Variants in FANCC observed in about 807,000 individuals in gnomAD.
FANCC encodes Fanconi anemia group C protein.
A neutral mutation model predicts 71.3 loss-of-function variants in FANCC; 55 were observed. That is an observed-to-expected ratio of 0.77 (90% confidence interval 0.62 to 0.97). FANCC has a LOEUF of 0.97. FANCC is among the 50% of genes least tolerant of loss of function. The pLI, the probability that FANCC is intolerant of heterozygous loss-of-function variation, is 0.00. For missense variants in FANCC, 678 were observed against 670.9 expected, an observed-to-expected ratio of 1.01 and a Z score of -0.12; for synonymous variants, 275 against 244.9, an observed-to-expected ratio of 1.12 and a Z score of -1.15.
chr9:95,152,149 T>C (rs1830212374), intron 6 of FANCC, among the ~76,000 whole-genome samples: 1 of 152,224 alleles, frequency 6.6e-6, no homozygotes, highest in African/African-American at 2.4e-5. Flanking sequence ...TTCAGAGAAT[T>C]TGTTTATATA....
At chr9:95,170,679 T>TGTGTGTGTGTGTGTGTGTG (rs1554842441) in intron 6 of FANCC, among the ~76,000 whole-genome samples, 80 of 144,698 alleles carry the variant, frequency 5.5e-4, no homozygotes, top group Non-Finnish European at 7.8e-4. Context: ...TGTGTGTGTG[T>TGTGTGTGTGTGTGTGTGTG]TGGGAGCAGA....
At chr9:95,280,958 A>T (rs1290990171) in intron 1 of FANCC, among the ~76,000 whole-genome samples, 1 of 152,178 alleles carries the variant, frequency 6.6e-6, no homozygotes, top group Non-Finnish European at 1.5e-5. Flanking sequence ...GTTCAATTAG[A>T]GGAGTATCAG....
intron 1 of FANCC, among the ~76,000 whole-genome samples, chr9:95,252,864 C>T (rs1831436912): frequency 6.7e-6 from 1 of 150,074 alleles, no homozygotes; most frequent in Non-Finnish European, 1.5e-5. Context: ...GCCTGGGCAA[C>T]ATACCAAGAC....
intron 4 of FANCC, among the ~76,000 whole-genome samples, chr9:95,195,213 A>C (rs1293865270): frequency 2.7e-5 from 4 of 148,488 alleles, no homozygotes; most frequent in African/African-American, 9.8e-5. Context: ...AAAAAAAAAA[A>C]AAAAAAAACC....
chr9:95,114,759 C>T (rs745784899), intron 11 of FANCC, 49 bp from the exon 12 acceptor site: 2 of 1,542,062 alleles, frequency 1.3e-6, no homozygotes, highest in Non-Finnish European at 1.8e-6. Flanking sequence ...AAATGTCAAG[C>T]CCATGAGGAA....
At chr9:95,170,839 G>A (rs1045589476) in intron 6 of FANCC, among the ~76,000 whole-genome samples, 14 of 152,000 alleles carry the variant, frequency 9.2e-5, no homozygotes, top group African/African-American at 3.4e-4. Context: ...TCTACCTAAT[G>A]GGCCCACAAA....
chr9:95,111,365 G>T (rs1429306334), intron 13 of FANCC, 98 bp downstream of exon 13: 2 of 1,597,828 alleles, frequency 1.3e-6, no homozygotes, highest in Non-Finnish European at 1.7e-6. Flanking sequence ...GAGCTCAGGT[G>T]TCATGGAAGC....
chr9:95,269,954 T>G (rs1247289421), intron 1 of FANCC, among the ~76,000 whole-genome samples: 1 of 152,202 alleles, frequency 6.6e-6, no homozygotes, highest in Admixed American at 6.5e-5. Flanking sequence ...ATTGATCATC[T>G]GCCTTCAAGC....
intron 4 of FANCC, among the ~76,000 whole-genome samples, chr9:95,220,438 A>G (rs1284515370): frequency 6.6e-6 from 1 of 152,246 alleles, no homozygotes; most frequent in Non-Finnish European, 1.5e-5. Context: ...CCGCAGCACT[A>G]TTCACAATAG....
chr9:95,189,433 A>C (rs1241995127), intron 4 of FANCC, among the ~76,000 whole-genome samples: 1 of 152,156 alleles, frequency 6.6e-6, no homozygotes, highest in African/African-American at 2.4e-5. Flanking sequence ...GACAGAACAC[A>C]ATTCACAGAA....
At chr9:95,106,635 A>G (rs1277346788) in intron 14 of FANCC, among the ~76,000 whole-genome samples, 1 of 152,208 alleles carries the variant, frequency 6.6e-6, no homozygotes, top group Non-Finnish European at 1.5e-5. Flanking sequence ...GTAATAAACC[A>G]ATTTTTTTAA....
intron 6 of FANCC, among the ~76,000 whole-genome samples, chr9:95,156,599 A>G (rs992426374): frequency 2.0e-5 from 3 of 152,124 alleles, no homozygotes; most frequent in African/African-American, 7.2e-5. Context: ...ATGCTTTTTG[A>G]GCCCTTTTAG....
At chr9:95,264,083 G>A (rs1180296656) in intron 1 of FANCC, among the ~76,000 whole-genome samples, 1 of 152,194 alleles carries the variant, frequency 6.6e-6, no homozygotes, top group Non-Finnish European at 1.5e-5. Context: ...TCACAGCCCC[G>A]TGTCCTCACA....
At chr9:95,284,157 A>T (rs1480267317) in intron 1 of FANCC, among the ~76,000 whole-genome samples, 1 of 152,218 alleles carries the variant, frequency 6.6e-6, no homozygotes, top group African/African-American at 2.4e-5. Context: ...GGCAAGCCTA[A>T]ACACCTGTCG....
At chr9:95,220,245 T>C (rs1210724874) in intron 4 of FANCC, among the ~76,000 whole-genome samples, 4 of 152,154 alleles carry the variant, frequency 2.6e-5, no homozygotes, top group African/African-American at 7.2e-5. Flanking sequence ...TGTGGAGAAA[T>C]AGGAACACTT....
At chr9:95,120,998 TG>T (rs1186989186) in intron 10 of FANCC, among the ~76,000 whole-genome samples, 2 of 152,136 alleles carry the variant, frequency 1.3e-5, no homozygotes, top group African/African-American at 2.4e-5. Flanking sequence ...TGAGGGCAGC[TG>T]GGGGGAGGCA....
At chr9:95,152,372 T>C (rs1410316049) in intron 6 of FANCC, among the ~76,000 whole-genome samples, 1 of 152,182 alleles carries the variant, frequency 6.6e-6, no homozygotes, top group African/African-American at 2.4e-5. Flanking sequence ...AGGTGATATG[T>C]GAGCAGAGCT....
intron 6 of FANCC, among the ~76,000 whole-genome samples, chr9:95,155,475 T>C (rs1286735745): frequency 6.6e-6 from 1 of 152,108 alleles, no homozygotes; most frequent in East Asian, 1.9e-4. Flanking sequence ...CCTTAATCAG[T>C]CTTAAATTGC....
chr9:95,123,509 C>T (rs770418974), intron 10 of FANCC: 12 of 482,162 alleles, frequency 2.5e-5, no homozygotes, highest in African/African-American at 1.8e-4. Flanking sequence ...TCCTCCAGTC[C>T]GTGCCTCCAA....
Sources: allele counts gnomAD v4.1 joint callset (sites outside exome capture counted in the v4.1 genomes callset), GRCh38; gene constraint gnomAD v4.1.1; transcripts MANE v1.5; gene names NCBI Gene and HGNC (gene_info 2026-07-23, HGNC 2026-07-21).